The following NETO2 variants were observed in gnomAD, a reference collection of about 807,000 sequenced individuals.
The protein encoded by NETO2 is neuropilin and tolloid like 2, also known as neuropilin and tolloid-like protein 2.
A neutral mutation model predicts 62.5 loss-of-function variants in NETO2; 28 were observed. The ratio of observed to expected loss-of-function variants is 0.45; its 90% CI spans 0.33 to 0.61. The LOEUF (loss-of-function observed/expected upper bound fraction) is 0.61, where lower values mean the gene tolerates loss of function less well. NETO2 is among the 20% of genes least tolerant of loss of function. NETO2 has a pLI of 0.02. For missense variants in NETO2, 548 were observed against 643.2 expected, an observed-to-expected ratio of 0.85 and a Z score of 1.60; for synonymous variants, 214 against 219.1, an observed-to-expected ratio of 0.98 and a Z score of 0.21.
chr16:47,105,896 A>G (rs192736960), intron 7 of NETO2, among the ~76,000 whole-genome samples: 1 of 152,332 alleles, frequency 6.6e-6, no homozygotes, highest in African/African-American at 2.4e-5. Flanking sequence ...TGGTGCAGCC[A>G]CTGTGGAAAA....
chr16:47,141,979 G>C (rs1378249115), intron 1 of NETO2, among the ~76,000 whole-genome samples: 1 of 152,160 alleles, frequency 6.6e-6, no homozygotes, highest in African/African-American at 2.4e-5. Flanking sequence ...AGTTCTGCAG[G>C]TAAAGCGGTG....
At chr16:47,138,799 A>G (rs1169372360) in intron 1 of NETO2, among the ~76,000 whole-genome samples, 1 of 152,146 alleles carries the variant, frequency 6.6e-6, no homozygotes, top group Non-Finnish European at 1.5e-5. Context: ...CCTTACTCTG[A>G]CTTCGGAGGT....
Position 47,081,140 on chromosome 16 carries a change from ATAATC to A in NETO2, c.*2076_*2080del, listed in dbSNP as rs1963053656. 1.3e-5 allele frequency: 2 copies of A among 152,188 alleles called. No homozygotes were observed. The highest frequency in any genetic ancestry group is 6.5e-5 in the Admixed American group (1 of 15,284). The allele number at this position is 152,188 out of a possible 1,614,324, so 9.4% of individuals were successfully genotyped here. On this transcript the variant is annotated 3_prime_UTR_variant, in exon 9 of 9. Transcript: ENST00000562435. The stretch of plus-strand genomic sequence containing the variant: ...TTAGCATACTGTATTATTTGCTATT[ATAATC>A]TAAAGATTAAATATAGGTTTAACAG...
chr16:47,119,538 A>C (rs1313615923), intron 6 of NETO2, among the ~76,000 whole-genome samples: 3 of 149,568 alleles, frequency 2.0e-5, no homozygotes, highest in Non-Finnish European at 4.5e-5. Context: ...GGCCTCACTG[A>C]TTTATTCTTT....
chr16:47,087,696 G>T (rs1963224149), intron 7 of NETO2, among the ~76,000 whole-genome samples: 1 of 152,168 alleles, frequency 6.6e-6, no homozygotes, highest in Non-Finnish European at 1.5e-5. Flanking sequence ...TATATACCAT[G>T]TAATTTCCTA....
chr16:47,098,518 T>C (rs996932103), intron 7 of NETO2, among the ~76,000 whole-genome samples: 3 of 152,048 alleles, frequency 2.0e-5, no homozygotes, highest in Admixed American at 6.6e-5. Context: ...CTAAGAAATA[T>C]GGGACTACGT....
At chr16:47,126,599 G>A (rs1369834313) in intron 4 of NETO2, among the ~76,000 whole-genome samples, 2 of 152,146 alleles carry the variant, frequency 1.3e-5, no homozygotes, top group Non-Finnish European at 2.9e-5. Context: ...ACCCTACTGC[G>A]AGTGAACCCT....
chr16:47,097,906 A>C (rs1963462006), intron 7 of NETO2, among the ~76,000 whole-genome samples: 1 of 152,228 alleles, frequency 6.6e-6, no homozygotes, highest in African/African-American at 2.4e-5. Flanking sequence ...ACCTCCAGCA[A>C]ACTCCAGCAG....
At chr16:47,130,581 A>G (rs1964246216) in intron 2 of NETO2, among the ~76,000 whole-genome samples, 1 of 152,086 alleles carries the variant, frequency 6.6e-6, no homozygotes, top group Non-Finnish European at 1.5e-5. Context: ...AAAGCAAGTA[A>G]ATCTATAAGA....
At chr16:47,132,428 G>T (rs1461363032) in intron 1 of NETO2, among the ~76,000 whole-genome samples, 1 of 152,130 alleles carries the variant, frequency 6.6e-6, no homozygotes, top group Non-Finnish European at 1.5e-5. Context: ...GGCAGTGAAA[G>T]TTCAATTAGA....
Position 47,143,619 on chromosome 16 carries a change from G to A in NETO2, c.-7C>T. ...AGAGCCGCTCCAGGGCCATGTTCCC[G>A]AGCTGCCCGGCGCTTCGCGAAGGGC... On this transcript the variant is annotated 5_prime_UTR_variant, in exon 1 of 9. Transcript: ENST00000562435. The A allele has an allele frequency of 8.2e-7, 1 of 1,221,750 alleles. No homozygotes were observed. The highest frequency in any genetic ancestry group is 1.0e-6 in the Non-Finnish European group (1 of 977,846). 75.7% of individuals were successfully genotyped at this position (1,221,750 alleles called of 1,614,324 possible). A position where few individuals can be genotyped will look rare whatever the true frequency, so the allele number is the denominator to read the frequency against.
intron 6 of NETO2, among the ~76,000 whole-genome samples, chr16:47,120,782 T>C (rs946128038): frequency 8.5e-5 from 13 of 152,232 alleles, no homozygotes; most frequent in Non-Finnish European, 1.8e-4. Flanking sequence ...ATTTTCTCTA[T>C]TGTTTAATAA....
In NETO2 at chr16:47,109,637, A is replaced by C; in HGVS notation, c.729T>G (p.Asp243Glu). The C allele has an allele frequency of 6.2e-7, 1 of 1,614,186 alleles. No individual in the cohort carries two copies. Among genetic ancestry groups the C allele is most frequent in the Non-Finnish European group, 8.5e-7 (1 of 1,180,018 alleles). Residue 243 changes from aspartate (D) to glutamate (E), a missense_variant, in exon 7 of 9, where the codon GAT becomes GAG. Coordinates refer to ENST00000562435, the MANE Select transcript of NETO2 (RefSeq NM_018092.5). ...ECKRNFVAVY[D>E]GSSSIENLKA... The stretch of plus-strand genomic sequence containing the variant: ...TCAGGTTTTCAATAGAACTGCTTCC[A>C]TCATAGACTGCAACGAAGTTTCTCT...
Position 47,083,374 on chromosome 16 carries a change from A to G in NETO2, c.1425T>C (p.Asn475=). ...TGTAACTACTTTTCTTGAAGGTGCTATTAAATGTTTTCATTGGCTGTGGTT... is the reference window on the plus strand; with the variant it reads ...TGTAACTACTTTTCTTGAAGGTGCTGTTAAATGTTTTCATTGGCTGTGGTT... ...FAQPQPMKTF[N]STFKKSSYTF... The change falls in exon 9 of 9, where the codon AAT becomes AAC. Residue 475 remains asparagine (N), a synonymous_variant. Coordinates refer to ENST00000562435, the MANE Select transcript of NETO2 (RefSeq NM_018092.5). 1.2e-6 allele frequency: 2 copies of G among 1,614,222 alleles called. No individual in the cohort carries two copies. Among genetic ancestry groups the G allele is most frequent in the Non-Finnish European group, 1.7e-6 (2 of 1,180,046 alleles).
At chr16:47,113,243 C>T (rs761519102) in intron 6 of NETO2, among the ~76,000 whole-genome samples, 28 of 152,192 alleles carry the variant, frequency 1.8e-4, no homozygotes, top group Non-Finnish European at 3.4e-4. Flanking sequence ...ACAATTTATA[C>T]TTCTAAAGCA....
At chr16:47,115,422 C>T (rs902174511) in intron 6 of NETO2, among the ~76,000 whole-genome samples, 6 of 151,866 alleles carry the variant, frequency 4.0e-5, no homozygotes, top group African/African-American at 1.5e-4. Flanking sequence ...TTTAAGTTTT[C>T]AGTTAACAGA....
chr16:47,083,129 G>T lies in NETO2; in HGVS notation c.*92C>A. On this transcript the variant is annotated 3_prime_UTR_variant, in exon 9 of 9. Coordinates refer to ENST00000562435, the MANE Select transcript of NETO2 (RefSeq NM_018092.5). ...AAATCAAGGTCTTCGTAGTTGTGATGGGAGAAAAGGGTTGGCTGCTGGAAA... is the reference window on the plus strand; with the variant it reads ...AAATCAAGGTCTTCGTAGTTGTGATTGGAGAAAAGGGTTGGCTGCTGGAAA... The T allele has an allele frequency of 8.9e-7, 1 of 1,119,598 alleles. No homozygotes were observed. Among genetic ancestry groups the T allele is most frequent in the Non-Finnish European group, 1.3e-6 (1 of 773,826 alleles). The allele number at this position is 1,119,598 out of a possible 1,614,324, so 69.4% of individuals were successfully genotyped here.
chr16:47,135,616 T>C (rs1247822699), intron 1 of NETO2, among the ~76,000 whole-genome samples: 1 of 152,144 alleles, frequency 6.6e-6, no homozygotes, highest in African/African-American at 2.4e-5. Flanking sequence ...ACAGGTGCTA[T>C]TCAGGCTGTT....
intron 7 of NETO2, among the ~76,000 whole-genome samples, chr16:47,090,110 A>ACC (rs896888976): frequency 4.7e-5 from 7 of 149,254 alleles, no homozygotes; most frequent in African/African-American, 1.7e-4. Flanking sequence ...ACATCATGTG[A>ACC]CCCCCCCCTT....
Sources: gnomAD v4.1 joint callset for allele counts (sites outside exome capture counted in the v4.1 genomes callset) on GRCh38, gnomAD v4.1.1 for gene constraint, MANE v1.5 for transcripts, NCBI Gene and HGNC (gene_info 2026-07-23, HGNC 2026-07-21) for gene names.